Variants in CSMD1 observed in about 807,000 individuals in gnomAD.
CSMD1 encodes the protein CUB and Sushi multiple domains 1, also known as CUB and sushi domain-containing protein 1.
In CSMD1, 213 loss-of-function variants were observed where a neutral mutation model predicts 417.5. The ratio of observed to expected loss-of-function variants is 0.51; its 90% CI spans 0.46 to 0.57. The LOEUF is 0.57. Among genes scored for constraint, CSMD1 ranks in the 20% least tolerant of loss-of-function variants. The probability of loss-of-function intolerance (pLI) is 0.00; values close to 1 mark genes in which losing one functional copy is unlikely to be tolerated. For synonymous variants in CSMD1, 2,862 were observed against 1,736.8 expected, an observed-to-expected ratio of 1.65 and a Z score of -16.11; for missense variants, 6,923 against 4,529.7, an observed-to-expected ratio of 1.53 and a Z score of -15.17.
At chr8:3,188,772 A>G in intron 35 of CSMD1, 115 bp downstream of exon 35, 1 of 929,642 alleles carries the variant, frequency 1.1e-6, no homozygotes, top group Non-Finnish European at 1.5e-6. Flanking sequence ...TAAAAGGAAA[A>G]AAGAGAGAGG....
intron 8 of CSMD1, among the ~76,000 whole-genome samples, chr8:3,594,260 C>G (rs17066495): frequency 0.1 from 15,832 of 152,166 alleles, 936 homozygotes; most frequent in East Asian, 0.17. Flanking sequence ...GTAAGAGATA[C>G]TTCATCAAAC....
intron 2 of CSMD1, among the ~76,000 whole-genome samples, chr8:4,464,249 C>A (rs1038678094): frequency 6.6e-6 from 1 of 151,994 alleles, no homozygotes; most frequent in Non-Finnish European, 1.5e-5. Flanking sequence ...ACATTAACAT[C>A]TTCCTGCAGT....
rs73180421 is a variant in CSMD1, at chr8:4,158,470, G to A, written c.416-126371C>T. ...AAGAAACAGTAATACTAATACAGCC[G>A]CTAGTGCAGTCATCAGTATGGCAAA... is the stretch of plus-strand genomic sequence containing the variant. On this transcript the variant is annotated intron_variant, in intron 3 of 69. Transcript: ENST00000635120. 5.4e-3 allele frequency among the ~76,000 whole-genome samples: 819 copies of A among 152,176 alleles called. 5 individuals are homozygous for A. Among genetic ancestry groups the A allele is most frequent in the Middle Eastern group, 0.02 (6 of 294 alleles).
At chr8:4,218,131 T>C (rs1160696905) in intron 3 of CSMD1, among the ~76,000 whole-genome samples, 1 of 152,168 alleles carries the variant, frequency 6.6e-6, no homozygotes, top group Non-Finnish European at 1.5e-5. Flanking sequence ...AACAGCAGGG[T>C]ATAAGTAACT....
At chr8:3,013,422 T>C (rs1027111478) in intron 52 of CSMD1, among the ~76,000 whole-genome samples, 8 of 152,196 alleles carry the variant, frequency 5.3e-5, no homozygotes, top group Non-Finnish European at 1.0e-4. Flanking sequence ...TAGTTATGAA[T>C]GACTACTTTA....
intron 20 of CSMD1, among the ~76,000 whole-genome samples, chr8:3,362,388 A>G (rs1809249281): frequency 6.6e-6 from 1 of 152,118 alleles, no homozygotes; most frequent in Non-Finnish European, 1.5e-5. Context: ...GCAAAAACCA[A>G]TGGTCAATTC....
intron 55 of CSMD1, among the ~76,000 whole-genome samples, chr8:2,976,600 T>C (rs1307549122): frequency 2.6e-5 from 4 of 152,174 alleles, no homozygotes; most frequent in Non-Finnish European, 4.4e-5. Flanking sequence ...CCACCTTCCC[T>C]GGCCTCCCAA....
At chr8:4,041,652 A>T (rs111523937) in intron 3 of CSMD1, among the ~76,000 whole-genome samples, 2 of 152,310 alleles carry the variant, frequency 1.3e-5, no homozygotes, top group South Asian at 2.1e-4. Flanking sequence ...AAGAAAACTC[A>T]ATCAATGAAA....
intron 2 of CSMD1, among the ~76,000 whole-genome samples, chr8:4,584,008 C>G (rs575540632): frequency 3.3e-5 from 5 of 152,076 alleles, no homozygotes; most frequent in Non-Finnish European, 5.9e-5. Context: ...GAGGAACGAA[C>G]AACTCCAGAT....
At chr8:3,554,210 G>T (rs1198856266) in intron 10 of CSMD1, among the ~76,000 whole-genome samples, 3 of 152,188 alleles carry the variant, frequency 2.0e-5, no homozygotes, top group Non-Finnish European at 2.9e-5. Context: ...AGGCAAAAAA[G>T]ATTGTGTTTT....
chr8:4,377,893 G>T (rs983439027), intron 3 of CSMD1, among the ~76,000 whole-genome samples: 8 of 152,118 alleles, frequency 5.3e-5, no homozygotes, highest in African/African-American at 1.9e-4. Context: ...AATTAGTATG[G>T]ATTACTTTGT....
chr8:3,463,846 C>G (rs1047855040), intron 12 of CSMD1, among the ~76,000 whole-genome samples: 1 of 152,212 alleles, frequency 6.6e-6, no homozygotes, highest in Non-Finnish European at 1.5e-5. Context: ...CCATCTCCTA[C>G]ATTCCTGTAT....
At chr8:3,904,703 C>G (rs897646906) in intron 5 of CSMD1, among the ~76,000 whole-genome samples, 1 of 142,196 alleles carries the variant, frequency 7.0e-6, no homozygotes, top group African/African-American at 2.7e-5. Flanking sequence ...GTGGTGCTAT[C>G]TCAGCTCACA....
intron 25 of CSMD1, among the ~76,000 whole-genome samples, chr8:3,290,534 C>A (rs1217415863): frequency 6.9e-6 from 1 of 145,412 alleles, no homozygotes; most frequent in East Asian, 2.0e-4. Flanking sequence ...TTGAAGAGGT[C>A]CTTCACATCC....
In CSMD1 at chr8:3,731,007, A is replaced by G. The variant is rs1331770894; in HGVS notation, c.932-22516T>C. 2.0e-5 allele frequency among the ~76,000 whole-genome samples: 3 copies of G among 152,200 alleles called. No individual in the cohort carries two copies. The East Asian group carries it at 5.8e-4, about 29-fold the overall frequency. ...ATACACAAAATTACAGATAAAAGTG[A>G]ATTGAACCTACAGATACCCATCACT... On this transcript the variant is annotated intron_variant, in intron 6 of 69. Transcript: ENST00000635120.
intron 1 of CSMD1, among the ~76,000 whole-genome samples, chr8:4,760,045 C>G (rs925319741): frequency 2.6e-5 from 4 of 152,134 alleles, no homozygotes; most frequent in African/African-American, 9.7e-5. Context: ...AAAAGTCTTC[C>G]TATTTCTCTG....
intron 1 of CSMD1, among the ~76,000 whole-genome samples, chr8:4,701,165 AG>A (rs1298747068): frequency 6.6e-6 from 1 of 152,110 alleles, no homozygotes; most frequent in Non-Finnish European, 1.5e-5. Context: ...GCTCCCCCAC[AG>A]CTAGGGGAGA....
At chr8:4,874,456 C>G in intron 1 of CSMD1, among the ~76,000 whole-genome samples, 1 of 139,440 alleles carries the variant, frequency 7.2e-6, no homozygotes, top group Non-Finnish European at 1.5e-5. Flanking sequence ...GTGTTCCATT[C>G]TCGACTCACT....
At chr8:4,207,357 C>T (rs374433265) in intron 3 of CSMD1, among the ~76,000 whole-genome samples, 8 of 152,014 alleles carry the variant, frequency 5.3e-5, no homozygotes, top group African/African-American at 1.9e-4. Context: ...AACAAATTAG[C>T]TTAATAGTTT....
Sources: gnomAD v4.1 joint callset for allele counts (sites outside exome capture counted in the v4.1 genomes callset) on GRCh38, gnomAD v4.1.1 for gene constraint, MANE v1.5 for transcripts, NCBI Gene and HGNC (gene_info 2026-07-23, HGNC 2026-07-21) for gene names.